MYO3A: variants seen among roughly 807,000 people sequenced by gnomAD.
MYO3A encodes the protein myosin-IIIa.
MYO3A carries 180 observed loss-of-function variants against 192.7 expected under a neutral mutation model. The observed-to-expected ratio is 0.93, with a 90% CI of 0.83 to 1.06. MYO3A has a LOEUF of 1.06. Ranked by LOEUF, MYO3A falls within the 50% of genes least tolerant of loss-of-function variation. MYO3A has a pLI of 0.00. For missense variants in MYO3A, 1,896 were observed against 1,905.0 expected (o/e 1.00, Z 0.09); for synonymous variants, 628 against 645.3 (o/e 0.97, Z 0.41).
chr10:25,987,658 AC>A (rs2130835585), intron 4 of MYO3A, among the ~76,000 whole-genome samples: 1 of 152,298 alleles, frequency 6.6e-6, no homozygotes, highest in South Asian at 2.1e-4. Flanking sequence ...ACAATGTGAA[AC>A]CACCTCACTC....
chr10:25,994,142 G>A lies in MYO3A; in HGVS notation c.304-2348G>A, dbSNP rs556270253. On this transcript the variant is annotated intron_variant, in intron 4 of 34. Coordinates refer to ENST00000642920, the MANE Select transcript of MYO3A (RefSeq NM_017433.5). ...AAAGTCTCCCATTATTATTGTGTGG[G>A]AGTCTAAGTCTCTTTGTAGGTCTCT... is the stretch of plus-strand genomic sequence containing the variant. Among the ~76,000 whole-genome samples the A allele has an allele frequency of 9.9e-3, 1,503 of 152,208 alleles. 15 individuals carry two copies. Among genetic ancestry groups the A allele is most frequent in the South Asian group, 0.017 (82 of 4,806 alleles).
chr10:25,982,441 T>G (rs527790245), intron 4 of MYO3A, among the ~76,000 whole-genome samples: 1 of 152,286 alleles, frequency 6.6e-6, no homozygotes, highest in African/African-American at 2.4e-5. Context: ...TCTATAGGAC[T>G]GCAGCTGATA....
At chr10:26,094,219 G>A (rs947628745) in intron 15 of MYO3A, among the ~76,000 whole-genome samples, 14 of 152,090 alleles carry the variant, frequency 9.2e-5, no homozygotes, top group African/African-American at 3.4e-4. Context: ...TGATGTGTTG[G>A]AGTCCTTATT....
intron 6 of MYO3A, among the ~76,000 whole-genome samples, chr10:26,011,700 C>T (rs924403942): frequency 6.6e-6 from 1 of 152,150 alleles, no homozygotes; most frequent in African/African-American, 2.4e-5. Context: ...AGAATGGATG[C>T]CAATCCCACT....
intron 17 of MYO3A, among the ~76,000 whole-genome samples, chr10:26,102,421 C>G (rs1389853001): frequency 6.6e-6 from 1 of 152,232 alleles, no homozygotes. Flanking sequence ...GATTCTCCGT[C>G]CAGCTTTGTT....
At chr10:26,096,773 A>G in intron 17 of MYO3A, 91 bp downstream of exon 17, 1 of 873,694 alleles carries the variant, frequency 1.1e-6, no homozygotes, top group South Asian at 1.4e-5. Context: ...AATATATACC[A>G]GCATAAGTGC....
chr10:26,103,567 C>T (rs1329487906), intron 17 of MYO3A, among the ~76,000 whole-genome samples: 6 of 152,168 alleles, frequency 3.9e-5, no homozygotes. Flanking sequence ...GGGTATACTT[C>T]ATGTTATTTG....
intron 10 of MYO3A, among the ~76,000 whole-genome samples, chr10:26,053,837 AGAAAT>A (rs1252374346): frequency 6.6e-6 from 1 of 152,152 alleles, no homozygotes; most frequent in Non-Finnish European, 1.5e-5. Flanking sequence ...AAAAAGAAAA[AGAAAT>A]GAAAGAAAAA....
At chr10:26,138,662 G>A (rs578063359) in intron 20 of MYO3A, among the ~76,000 whole-genome samples, 2 of 152,284 alleles carry the variant, frequency 1.3e-5, no homozygotes, top group Admixed American at 6.5e-5. Context: ...GGCAATGCAA[G>A]AGCAATAGAA....
At chr10:25,980,830 A>G (rs7904021) in intron 4 of MYO3A, among the ~76,000 whole-genome samples, 14,579 of 152,208 alleles carry the variant, frequency 0.096, 1,241 homozygotes, top group African/African-American at 0.22. Flanking sequence ...TGTTACAACT[A>G]AGCCAAGGAT....
intron 31 of MYO3A, among the ~76,000 whole-genome samples, chr10:26,191,081 T>C (rs1170001421): frequency 1.3e-5 from 2 of 152,224 alleles, no homozygotes; most frequent in Non-Finnish European, 2.9e-5. Flanking sequence ...ACCACATTCA[T>C]GTTTCTAAAA....
intron 17 of MYO3A, 109 bp from the exon 18 acceptor site, chr10:26,120,567 T>C (rs1371174008): frequency 2.1e-6 from 3 of 1,406,524 alleles, no homozygotes; most frequent in African/African-American, 2.8e-5. Flanking sequence ...AGTCTGTGGA[T>C]AGATATGAAA....
intron 17 of MYO3A, 152 bp from the exon 18 acceptor site, chr10:26,120,524 G>A: frequency 1.0e-6 from 1 of 981,944 alleles, no homozygotes; most frequent in Non-Finnish European, 1.6e-6. Flanking sequence ...GAATGAGGCT[G>A]AGCCTACTTG....
chr10:25,960,586 A>G (rs1025156295), intron 4 of MYO3A, among the ~76,000 whole-genome samples: 3 of 152,218 alleles, frequency 2.0e-5, no homozygotes, highest in Admixed American at 6.6e-5. Flanking sequence ...AATAAGCTAT[A>G]GAAAAGAAAA....
chr10:26,182,563 G>A (rs760542833), intron 31 of MYO3A, among the ~76,000 whole-genome samples: 42 of 152,178 alleles, frequency 2.8e-4, no homozygotes, highest in Non-Finnish European at 5.7e-4. Flanking sequence ...GCCAATCTAA[G>A]AAAATGACTA....
rs187445221 is a variant in MYO3A, at chr10:26,098,368, T to C, written c.1776+1686T>C. On this transcript the variant is annotated intron_variant, in intron 17 of 34. Transcript: ENST00000642920. ...TTTCTCCCATTCTGTAGGTTGCCTA[T>C]TCACTCTGATGGTGTTTCTTTTGCT... is the stretch of plus-strand genomic sequence containing the variant. Among the ~76,000 whole-genome samples the C allele has an allele frequency of 5.3e-4, 80 of 152,358 alleles. 1 individual carries two copies. The East Asian group carries it at 0.015, about 29-fold the overall frequency.
At chr10:26,071,732 G>T (rs4403709) in intron 14 of MYO3A, among the ~76,000 whole-genome samples, 94,462 of 151,984 alleles carry the variant, frequency 0.62, 30,314 homozygotes, top group Middle Eastern at 0.74. Context: ...TCACCAAAGA[G>T]GATATGTATG....
At chr10:26,179,146 T>A (rs779260432) in intron 31 of MYO3A, among the ~76,000 whole-genome samples, 1 of 126,678 alleles carries the variant, frequency 7.9e-6, no homozygotes, top group Non-Finnish European at 1.6e-5. Flanking sequence ...TTGTCCAGGC[T>A]GGAGTGCAAT....
At chr10:25,955,168 A>G (rs888098608) in intron 4 of MYO3A, among the ~76,000 whole-genome samples, 160 bp downstream of exon 4, 9 of 152,158 alleles carry the variant, frequency 5.9e-5, no homozygotes, top group African/African-American at 2.2e-4. Flanking sequence ...CCTTCTTAAG[A>G]AACATCAAAA....
Sources: allele counts gnomAD v4.1 joint callset (sites outside exome capture counted in the v4.1 genomes callset), GRCh38; gene constraint gnomAD v4.1.1; transcripts MANE v1.5; gene names NCBI Gene and HGNC (gene_info 2026-07-23, HGNC 2026-07-21).